PLEKHA5: variants seen among roughly 807,000 people sequenced by gnomAD.
PLEKHA5 encodes pleckstrin homology domain containing A5.
Under a neutral mutation model 181.9 loss-of-function variants are expected in PLEKHA5, and 55 were observed. That is an observed-to-expected ratio of 0.30 (90% CI 0.24 to 0.38). The LOEUF (loss-of-function observed/expected upper bound fraction) is 0.38. Ranked by LOEUF, PLEKHA5 falls within the 10% of genes least tolerant of loss-of-function variation. The pLI, the probability that PLEKHA5 is intolerant of heterozygous loss-of-function variation, is 1.00. For synonymous variants in PLEKHA5, 535 were observed against 529.4 expected, an observed-to-expected ratio of 1.01 and a Z score of -0.15; for missense variants, 1,432 against 1,549.5, an observed-to-expected ratio of 0.92 and a Z score of 1.27.
chr12:19,138,631 G>T (rs1055674922), intron 3 of PLEKHA5, among the ~76,000 whole-genome samples: 1 of 151,912 alleles, frequency 6.6e-6, no homozygotes, highest in Non-Finnish European at 1.5e-5. Context: ...GGAGGAAGAG[G>T]CAGCCTAGGC....
intron 25 of PLEKHA5, among the ~76,000 whole-genome samples, chr12:19,353,400 A>C (rs981175087): frequency 8.2e-5 from 12 of 146,470 alleles, no homozygotes; most frequent in East Asian, 4.2e-4. Context: ...CAGGTGATTC[A>C]CCCGCCTCAG....
chr12:19,208,491 A>G (rs1017205702), intron 3 of PLEKHA5, among the ~76,000 whole-genome samples: 1 of 152,140 alleles, frequency 6.6e-6, no homozygotes, highest in Non-Finnish European at 1.5e-5. Flanking sequence ...TGGACGTAGA[A>G]TACCTGTTGT....
intron 11 of PLEKHA5, among the ~76,000 whole-genome samples, chr12:19,276,481 A>C (rs2074544708): frequency 6.6e-6 from 1 of 152,192 alleles, no homozygotes; most frequent in Non-Finnish European, 1.5e-5. Flanking sequence ...AGTTGAGGCC[A>C]GGAGTTCGAG....
At chr12:19,242,878 G>A (rs2152462515) in intron 3 of PLEKHA5, among the ~76,000 whole-genome samples, 1 of 152,264 alleles carries the variant, frequency 6.6e-6, no homozygotes, top group Middle Eastern at 3.4e-3. Flanking sequence ...ACCTGTAATG[G>A]TAGAAATGTG....
intron 26 of PLEKHA5, among the ~76,000 whole-genome samples, chr12:19,354,902 A>G (rs116586581): frequency 0.015 from 2,267 of 152,292 alleles, 37 homozygotes; most frequent in African/African-American, 0.046. Flanking sequence ...TGTAGAATCT[A>G]TTCTCTAATC....
At chr12:19,282,831 A>C (rs528366805) in intron 11 of PLEKHA5, among the ~76,000 whole-genome samples, 96 of 152,316 alleles carry the variant, frequency 6.3e-4, no homozygotes, top group Admixed American at 1.4e-3. Flanking sequence ...AAGTGTGTTA[A>C]ATCGAATTTC....
At chr12:19,357,620 T>TTTGC (rs1417707807) in intron 26 of PLEKHA5, among the ~76,000 whole-genome samples, 2 of 150,562 alleles carry the variant, frequency 1.3e-5, no homozygotes, top group African/African-American at 4.9e-5. Flanking sequence ...GTTATGGGGG[T>TTTGC]TTGTTTGTTT....
chr12:19,136,969 G>A (rs996968382), intron 3 of PLEKHA5, among the ~76,000 whole-genome samples: 2 of 151,790 alleles, frequency 1.3e-5, no homozygotes, highest in Non-Finnish European at 2.9e-5. Context: ...TGAAGATGGG[G>A]AATCTAACAA....
intron 3 of PLEKHA5, among the ~76,000 whole-genome samples, chr12:19,230,103 T>C (rs925936468): frequency 6.6e-6 from 1 of 152,108 alleles, no homozygotes; most frequent in Non-Finnish European, 1.5e-5. Context: ...AGAGTGCTGA[T>C]TGGTGTATTT....
At chr12:19,321,179 A>C (rs2090608403) in intron 18 of PLEKHA5, among the ~76,000 whole-genome samples, 1 of 151,624 alleles carries the variant, frequency 6.6e-6, no homozygotes, top group Non-Finnish European at 1.5e-5. Flanking sequence ...AAAAAAAAAA[A>C]GTTATGGAAG....
chr12:19,368,415 G>T (rs182419897), intron 30 of PLEKHA5, among the ~76,000 whole-genome samples: 1 of 151,648 alleles, frequency 6.6e-6, no homozygotes, highest in Admixed American at 6.6e-5. Flanking sequence ...GATCACCTGA[G>T]CCCAGGAGGT....
intron 13 of PLEKHA5, among the ~76,000 whole-genome samples, chr12:19,288,859 C>T (rs557391017): frequency 1.6e-4 from 24 of 152,320 alleles, no homozygotes; most frequent in Non-Finnish European, 2.8e-4. Context: ...TTTACCACCA[C>T]CTACTTTCTT....
chr12:19,220,376 C>G (rs144466325), intron 3 of PLEKHA5, among the ~76,000 whole-genome samples: 87 of 152,162 alleles, frequency 5.7e-4, no homozygotes, highest in African/African-American at 1.9e-3. Context: ...CTGACGTCAT[C>G]TAGCTTGCAG....
At chr12:19,355,443 G>T (rs541053200) in intron 26 of PLEKHA5, among the ~76,000 whole-genome samples, 1 of 145,452 alleles carries the variant, frequency 6.9e-6, no homozygotes, top group Non-Finnish European at 1.5e-5. Flanking sequence ...CCTCCAACTC[G>T]TGGACTCAAG....
chr12:19,320,137 A>ACTGTGTATGTG, intron 17 of PLEKHA5, 81 bp downstream of exon 17: 1 of 536,580 alleles, frequency 1.9e-6, no homozygotes, highest in Non-Finnish European at 3.2e-6. Flanking sequence ...GAGTGTACAC[A>ACTGTGTATGTG]TACACAGTGT....
At chr12:19,254,969 G>A (rs775642708) in intron 4 of PLEKHA5, 76 bp from the exon 5 acceptor site, 71 of 1,290,560 alleles carry the variant, frequency 5.5e-5, no homozygotes, top group Non-Finnish European at 6.7e-5. Context: ...CACTCGCATT[G>A]TTAACTGTAG....
chr12:19,329,148 T>C (rs2092583373), intron 20 of PLEKHA5, among the ~76,000 whole-genome samples: 1 of 152,222 alleles, frequency 6.6e-6, no homozygotes, highest in South Asian at 2.1e-4. Flanking sequence ...ATTTGTGATT[T>C]GTATATGTTG....
At chr12:19,142,731 T>C (rs527805434) in intron 3 of PLEKHA5, among the ~76,000 whole-genome samples, 214 of 152,308 alleles carry the variant, frequency 1.4e-3, no homozygotes, top group Non-Finnish European at 2.4e-3. Context: ...ATACATTATC[T>C]CAGTCCTCTA....
At chr12:19,324,004 G>A (rs2091529921) in intron 20 of PLEKHA5, among the ~76,000 whole-genome samples, 1 of 152,070 alleles carries the variant, frequency 6.6e-6, no homozygotes, top group Non-Finnish European at 1.5e-5. Context: ...AACATAGTAA[G>A]AGCACCAGTC....
Sources: allele counts gnomAD v4.1 joint callset (sites outside exome capture counted in the v4.1 genomes callset), GRCh38; gene constraint gnomAD v4.1.1; transcripts MANE v1.5; gene names NCBI Gene and HGNC (gene_info 2026-07-23, HGNC 2026-07-21).